STEAP1B: variants seen among roughly 807,000 people sequenced by gnomAD.
STEAP1B encodes the protein STEAP family protein MGC87042.
Under a neutral mutation model 27.9 loss-of-function variants are expected in STEAP1B, and 13 were observed. The observed-to-expected ratio is 0.47, with a 90% CI of 0.30 to 0.74. STEAP1B has a LOEUF of 0.74. Among genes scored for constraint, STEAP1B ranks in the 30% least tolerant of loss-of-function variants. The probability of loss-of-function intolerance (pLI) is 0.06; values close to 1 mark genes in which losing one functional copy is unlikely to be tolerated. For synonymous variants in STEAP1B, 86 were observed against 107.1 expected (o/e 0.80, Z 1.22); for missense variants, 250 against 298.7 (o/e 0.84, Z 1.20).
intron 4 of STEAP1B, chr7:22,438,713 C>T (rs1432633641): frequency 6.4e-7 from 1 of 1,551,602 alleles, no homozygotes; most frequent in East Asian, 2.4e-5. Context: ...AGTTTAGTGG[C>T]CTGAAAGTTG....
intron 4 of STEAP1B, among the ~76,000 whole-genome samples, chr7:22,439,305 T>C (rs1785297058): frequency 6.6e-6 from 1 of 152,206 alleles, no homozygotes; most frequent in African/African-American, 2.4e-5. Context: ...AGTCCGTACA[T>C]ACAAAAAGTG....
intron 4 of STEAP1B, among the ~76,000 whole-genome samples, chr7:22,485,066 A>C (rs1408976674): frequency 2.0e-5 from 3 of 152,258 alleles, no homozygotes; most frequent in Non-Finnish European, 4.4e-5. Flanking sequence ...AGACGCTGTG[A>C]AGATTGTTAC....
Position 22,491,645 on chromosome 7 carries a change from T to A in STEAP1B, c.762+920A>T, listed in dbSNP as rs199573874. ...TGTGAACAAGGCCATGGAGTCAAAG[T>A]CATTTTAGGAAGAAAGTGAGTAAAT... On this transcript the variant is annotated intron_variant, in intron 4 of 4. Transcript: ENST00000678116. Among the ~76,000 whole-genome samples the A allele has an allele frequency of 3.3e-5, 5 of 152,296 alleles. No homozygotes were observed. The East Asian group carries it at 9.6e-4, about 29-fold the overall frequency.
chr7:22,432,358 G>A (rs1254891666), intron 4 of STEAP1B, among the ~76,000 whole-genome samples: 1 of 149,694 alleles, frequency 6.7e-6, no homozygotes, highest in African/African-American at 2.5e-5. Context: ...TGGCAACATA[G>A]AGAAACCCTA....
Position 22,419,709 on chromosome 7 carries a change from A to C in STEAP1B, c.*95T>G. The C allele has an allele frequency of 1.4e-6, 2 of 1,389,246 alleles. No homozygotes were observed. The highest frequency in any genetic ancestry group is 1.9e-6 in the Non-Finnish European group (2 of 1,034,914). 86.1% of individuals were successfully genotyped at this position (1,389,246 alleles called of 1,614,324 possible). On this transcript the variant is annotated 3_prime_UTR_variant, in exon 5 of 5. Coordinates refer to ENST00000678116, the MANE Select transcript of STEAP1B (RefSeq NM_001382447.1). The stretch of plus-strand genomic sequence containing the variant: ...GCAGCATGGCTGTTCATTGTGGCAG[A>C]GGGAAAGGGCACTGGGTGGTGTTCT...
chr7:22,483,502 A>C (rs1032577330), intron 4 of STEAP1B, among the ~76,000 whole-genome samples: 13 of 152,164 alleles, frequency 8.5e-5, no homozygotes, highest in African/African-American at 1.7e-4. Flanking sequence ...TTTTTTTAAC[A>C]AATTGGATGT....
chr7:22,438,290 G>A (rs1345408800), intron 4 of STEAP1B: 8 of 587,618 alleles, frequency 1.4e-5, no homozygotes, highest in Non-Finnish European at 2.3e-5. Flanking sequence ...TCCAGTATAT[G>A]CTTGGTGTCC....
intron 4 of STEAP1B, among the ~76,000 whole-genome samples, chr7:22,421,418 T>G (rs891182920): frequency 1.3e-5 from 2 of 152,226 alleles, no homozygotes; most frequent in Non-Finnish European, 1.5e-5. Context: ...CTGTACCCAT[T>G]TGGCAGTTGA....
rs189245017 is a variant in STEAP1B at position 22,498,126 on chromosome 7, C to T, written c.-32+1988G>A. ...GAGGTGGAGCTCAGGCAGTAATGCT[C>T]GCTGGCCTGCCACTCCCCTCCTGCT... is the stretch of plus-strand genomic sequence containing the variant. On this transcript the variant is annotated intron_variant, in intron 1 of 4. Transcript: ENST00000678116. Among the ~76,000 whole-genome samples, 896 of 152,294 alleles carry T rather than the reference C, an allele frequency of 5.9e-3. 11 individuals carry two copies. Among genetic ancestry groups the T allele is most frequent in the African/African-American group, 0.021 (853 of 41,566 alleles).
intron 4 of STEAP1B, among the ~76,000 whole-genome samples, chr7:22,436,147 A>G (rs1785251467): frequency 6.6e-6 from 1 of 152,214 alleles, no homozygotes; most frequent in African/African-American, 2.4e-5. Context: ...TGAGAATTAA[A>G]TTAGATAAAT....
chr7:22,438,710 T>C, intron 4 of STEAP1B: 4 of 1,551,692 alleles, frequency 2.6e-6, no homozygotes, highest in South Asian at 1.2e-5. Context: ...GCCAGTTTAG[T>C]GGCCTGAAAG....
intron 4 of STEAP1B, among the ~76,000 whole-genome samples, chr7:22,442,838 A>G (rs1318151200): frequency 6.6e-6 from 1 of 152,192 alleles, no homozygotes; most frequent in African/African-American, 2.4e-5. Flanking sequence ...CCAGAAAGAA[A>G]TAGGAGTGAT....
rs869221968 is a variant in STEAP1B at position 22,456,968 on chromosome 7, ATATATTTTT to A, written c.762+35588_762+35596del. 1.1e-3 allele frequency among the ~76,000 whole-genome samples: 55 copies of A among 47,958 alleles called. 4 individuals are homozygous for A. The highest frequency in any genetic ancestry group is 2.2e-3 in the Non-Finnish European group (43 of 19,792). The allele number at this position is 47,958 out of a possible 152,430, so 31.5% of individuals were successfully genotyped here. A position where few individuals can be genotyped will look rare whatever the true frequency, so the allele number is the denominator to read the frequency against. On this transcript the variant is annotated intron_variant, in intron 4 of 4. Coordinates refer to ENST00000678116, the MANE Select transcript of STEAP1B (RefSeq NM_001382447.1). ...GATAGGCAGCTATATATATATATATATATATTTTTTTTTTTTTTAAGTATCCTGGGTGGT... is the reference window on the plus strand; with the variant it reads ...GATAGGCAGCTATATATATATATATATTTTTTTTTAAGTATCCTGGGTGGT...
intron 4 of STEAP1B, among the ~76,000 whole-genome samples, chr7:22,459,692 A>T (rs1785645693): frequency 6.6e-6 from 1 of 152,158 alleles, no homozygotes; most frequent in African/African-American, 2.4e-5. Context: ...TTGGGCCATT[A>T]TCCTGCTAGG....
chr7:22,439,264 C>A (rs1323387958), intron 4 of STEAP1B, among the ~76,000 whole-genome samples: 1 of 152,136 alleles, frequency 6.6e-6, no homozygotes, highest in East Asian at 1.9e-4. Context: ...AACAATAATT[C>A]TTTAAATTAA....
chr7:22,472,146 A>G (rs1269243429), intron 4 of STEAP1B, among the ~76,000 whole-genome samples: 1 of 152,228 alleles, frequency 6.6e-6, no homozygotes, highest in Non-Finnish European at 1.5e-5. Flanking sequence ...TTCTGGAATG[A>G]GAAAACTAAA....
intron 4 of STEAP1B, among the ~76,000 whole-genome samples, chr7:22,483,078 G>C (rs936842912): frequency 6.6e-6 from 1 of 152,134 alleles, no homozygotes; most frequent in Non-Finnish European, 1.5e-5. Flanking sequence ...CATGCTTCTA[G>C]GACAGTCTTT....
At chr7:22,439,865 C>T (rs1000127201) in intron 4 of STEAP1B, among the ~76,000 whole-genome samples, 1 of 152,062 alleles carries the variant, frequency 6.6e-6, no homozygotes, top group African/African-American at 2.4e-5. Context: ...CAATAAAACA[C>T]CAGTATCAAT....
intron 4 of STEAP1B, among the ~76,000 whole-genome samples, chr7:22,450,385 C>T (rs1785468740): frequency 6.6e-6 from 1 of 152,170 alleles, no homozygotes; most frequent in South Asian, 2.1e-4. Flanking sequence ...TTTCATTCTT[C>T]TGCATATGGA....
Sources: gnomAD v4.1 joint callset for allele counts (sites outside exome capture counted in the v4.1 genomes callset) on GRCh38, gnomAD v4.1.1 for gene constraint, MANE v1.5 for transcripts, NCBI Gene and HGNC (gene_info 2026-07-23, HGNC 2026-07-21) for gene names.